NEDD4L: variants seen among roughly 807,000 people sequenced by gnomAD.
The protein encoded by NEDD4L is NEDD4 like E3 ubiquitin protein ligase.
NEDD4L carries 54 observed loss-of-function variants against 148.9 expected under a neutral mutation model. The observed-to-expected ratio is 0.36, with a 90% CI of 0.29 to 0.45. The LOEUF (loss-of-function observed/expected upper bound fraction) is 0.45. Ranked by LOEUF, NEDD4L falls within the 20% of genes least tolerant of loss-of-function variation. NEDD4L has a pLI of 1.00. For missense variants in NEDD4L, 856 were observed against 1,233.8 expected, an observed-to-expected ratio of 0.69 and a Z score of 4.59; for synonymous variants, 433 against 440.7, an observed-to-expected ratio of 0.98 and a Z score of 0.22.
intron 8 of NEDD4L, among the ~76,000 whole-genome samples, chr18:58,323,799 C>T (rs8083963): frequency 0.25 from 38,331 of 152,010 alleles, 5,692 homozygotes; most frequent in African/African-American, 0.41. Flanking sequence ...CATTCTGCAA[C>T]GAGCTGACCA....
rs115166087 is a variant in NEDD4L at position 58,376,669 on chromosome 18, G to C, written c.2352+3400G>C. 5.9e-3 allele frequency among the ~76,000 whole-genome samples: 899 copies of C among 152,224 alleles called. 11 individuals carry two copies. The highest frequency in any genetic ancestry group is 0.021 in the African/African-American group (856 of 41,542). ...CCGACCCGTCTCTACATCCAATATG[G>C]CTTCTTATAATGGCAGAGTGGTCTT... On this transcript the variant is annotated intron_variant, in intron 24 of 30. Transcript: ENST00000400345.
chr18:58,202,883 A>ATTTT (rs1272474436), intron 2 of NEDD4L, among the ~76,000 whole-genome samples: 2 of 152,110 alleles, frequency 1.3e-5, no homozygotes, highest in African/African-American at 4.8e-5. Context: ...TACTAGTTCA[A>ATTTT]TTTATTTGTT....
intron 5 of NEDD4L, among the ~76,000 whole-genome samples, chr18:58,266,233 A>G (rs1303172486): frequency 6.6e-6 from 1 of 152,136 alleles, no homozygotes; most frequent in Non-Finnish European, 1.5e-5. Context: ...AGATAATTTC[A>G]TATAAAATGT....
At chr18:58,299,216 G>C (rs1005636467) in intron 5 of NEDD4L, among the ~76,000 whole-genome samples, 1 of 152,230 alleles carries the variant, frequency 6.6e-6, no homozygotes. Flanking sequence ...TGCACACTGT[G>C]TGCATCCCGC....
chr18:58,371,203 A>ATTTTTTTTTTTTTTT (rs34960405), intron 23 of NEDD4L, among the ~76,000 whole-genome samples: 9 of 92,980 alleles, frequency 9.7e-5, no homozygotes, highest in Non-Finnish European at 1.4e-4. Context: ...TGCCTGGCTA[A>ATTTTTTTTTTTTTTT]TTTTTTTTTT....
At chr18:58,076,601 C>A (rs184461110) in intron 1 of NEDD4L, among the ~76,000 whole-genome samples, 8 of 150,966 alleles carry the variant, frequency 5.3e-5, no homozygotes, top group South Asian at 2.1e-4. Flanking sequence ...TTTGGACATA[C>A]CTTTGAGTAG....
At chr18:58,063,684 G>C (rs1048001955) in intron 1 of NEDD4L, among the ~76,000 whole-genome samples, 1 of 151,226 alleles carries the variant, frequency 6.6e-6, no homozygotes, top group African/African-American at 2.4e-5. Flanking sequence ...TCCTGCCTCA[G>C]CCTCCCGAGT....
chr18:58,389,865 C>G (rs775908166), intron 28 of NEDD4L, among the ~76,000 whole-genome samples: 1 of 151,902 alleles, frequency 6.6e-6, no homozygotes, highest in African/African-American at 2.4e-5. Flanking sequence ...GATGGGGTCT[C>G]ACTGTGTTGC....
chr18:58,314,096 A>T (rs2149390626), intron 5 of NEDD4L, among the ~76,000 whole-genome samples: 1 of 152,248 alleles, frequency 6.6e-6, no homozygotes, highest in Non-Finnish European at 1.5e-5. Flanking sequence ...AGTACAGTTA[A>T]CTGATATTTA....
At chr18:58,165,755 T>G in intron 1 of NEDD4L, 33 bp from the exon 2 acceptor site, 2 of 1,589,744 alleles carry the variant, frequency 1.3e-6, no homozygotes, top group Non-Finnish European at 1.7e-6. Context: ...AAGATCAGGT[T>G]TTTAACCTCT....
In NEDD4L at chr18:58,243,174, C is replaced by A. The variant is rs568751299; in HGVS notation, c.123-2253C>A. 6.6e-5 allele frequency among the ~76,000 whole-genome samples: 10 copies of A among 152,212 alleles called. No individual in the cohort carries two copies. In the South Asian group the frequency reaches 2.1e-3, roughly 32 times the overall value. ...CTCTTTATTGCAGTTATATAATAGCCGGCAATCATGATAGCTGAGGGGCAT... is the reference window on the plus strand; with the variant it reads ...CTCTTTATTGCAGTTATATAATAGCAGGCAATCATGATAGCTGAGGGGCAT... On this transcript the variant is annotated intron_variant, in intron 2 of 30. Transcript: ENST00000400345.
intron 22 of NEDD4L, among the ~76,000 whole-genome samples, chr18:58,368,210 C>A (rs571873242): frequency 3.9e-5 from 6 of 152,086 alleles, no homozygotes; most frequent in African/African-American, 1.5e-4. Context: ...AAAATGATCT[C>A]ATCTATCTAA....
intron 5 of NEDD4L, among the ~76,000 whole-genome samples, chr18:58,260,276 C>G (rs2049187493): frequency 6.6e-6 from 1 of 152,206 alleles, no homozygotes; most frequent in Non-Finnish European, 1.5e-5. Flanking sequence ...TCTTTCTTCT[C>G]TCATGTATAG....
intron 1 of NEDD4L, among the ~76,000 whole-genome samples, chr18:58,065,064 A>G (rs1284590715): frequency 2.0e-5 from 3 of 152,216 alleles, no homozygotes; most frequent in South Asian, 2.1e-4. Context: ...ATAAATAACT[A>G]TCACCTGACC....
intron 1 of NEDD4L, among the ~76,000 whole-genome samples, chr18:58,087,817 T>G (rs772270885): frequency 6.6e-6 from 1 of 152,170 alleles, no homozygotes; most frequent in South Asian, 2.1e-4. Flanking sequence ...GAGGTTACGG[T>G]GAGCTGAGAT....
intron 1 of NEDD4L, among the ~76,000 whole-genome samples, chr18:58,077,843 G>A (rs776888177): frequency 6.6e-6 from 1 of 152,130 alleles, no homozygotes; most frequent in Non-Finnish European, 1.5e-5. Flanking sequence ...GGGCAGTTTT[G>A]TGCCTCGAGA....
At chr18:58,227,849 G>C (rs292449) in intron 2 of NEDD4L, 340,289 of 971,740 alleles carry the variant, frequency 0.35, 62,522 homozygotes, top group East Asian at 0.81. Flanking sequence ...CATTGCTGTT[G>C]AACTTTTTTT....
intron 1 of NEDD4L, among the ~76,000 whole-genome samples, chr18:58,126,975 G>A (rs954702788): frequency 1.3e-5 from 2 of 152,220 alleles, no homozygotes; most frequent in Non-Finnish European, 2.9e-5. Flanking sequence ...GAACCCTTGC[G>A]ATTCTCTCTC....
intron 5 of NEDD4L, among the ~76,000 whole-genome samples, chr18:58,265,508 T>C (rs1333264594): frequency 6.6e-6 from 1 of 152,044 alleles, no homozygotes; most frequent in Admixed American, 6.6e-5. Flanking sequence ...ATTGTCACTT[T>C]CATTATAACA....
Sources: allele counts gnomAD v4.1 joint callset (sites outside exome capture counted in the v4.1 genomes callset), GRCh38; gene constraint gnomAD v4.1.1; transcripts MANE v1.5; gene names NCBI Gene and HGNC (gene_info 2026-07-23, HGNC 2026-07-21).